The following SLC4A4 variants were observed in gnomAD, a reference collection of about 807,000 sequenced individuals.
The protein encoded by SLC4A4 is solute carrier family 4 member 4, also known as electrogenic sodium bicarbonate cotransporter 1.
A neutral mutation model predicts 111.5 loss-of-function variants in SLC4A4; 27 were observed. The ratio of observed to expected loss-of-function variants is 0.24; its 90% CI spans 0.18 to 0.33. The LOEUF (loss-of-function observed/expected upper bound fraction) is 0.33. Among genes scored for constraint, SLC4A4 ranks in the 10% least tolerant of loss-of-function variants. SLC4A4 has a pLI of 1.00. For missense variants in SLC4A4, 909 were observed against 1,315.5 expected (o/e 0.69, Z 4.78); for synonymous variants, 443 against 463.4 (o/e 0.96, Z 0.57).
chr4:71,142,459 T>C (rs1355833294), intron 2 of SLC4A4, among the ~76,000 whole-genome samples: 2 of 152,176 alleles, frequency 1.3e-5, no homozygotes, highest in African/African-American at 2.4e-5. Context: ...CTGCTCCCTG[T>C]TTTAGGAGAA....
intron 16 of SLC4A4, among the ~76,000 whole-genome samples, chr4:71,527,477 G>A (rs142314310): frequency 6.6e-6 from 1 of 152,178 alleles, no homozygotes; most frequent in African/African-American, 2.4e-5. Context: ...CAAAGAGCAG[G>A]TTTAGGGTGT....
intron 2 of SLC4A4, among the ~76,000 whole-genome samples, chr4:71,099,360 A>G (rs1037688071): frequency 2.0e-5 from 3 of 152,212 alleles, no homozygotes; most frequent in Admixed American, 1.3e-4. Context: ...TGGGTAAATA[A>G]CAAAATTGAG....
intron 1 of SLC4A4, among the ~76,000 whole-genome samples, chr4:71,225,811 A>G (rs1451171168): frequency 2.0e-5 from 3 of 152,212 alleles, no homozygotes; most frequent in African/African-American, 7.2e-5. Context: ...CTGATCTGAG[A>G]TCACTGTGAA....
intron 1 of SLC4A4, among the ~76,000 whole-genome samples, chr4:71,228,659 A>G (rs1336830342): frequency 6.6e-6 from 1 of 152,188 alleles, no homozygotes; most frequent in South Asian, 2.1e-4. Context: ...GTACCTGACC[A>G]CCATGTAGAA....
intron 14 of SLC4A4, among the ~76,000 whole-genome samples, chr4:71,473,996 T>C (rs1317262329): frequency 6.6e-6 from 1 of 150,744 alleles, no homozygotes. Flanking sequence ...AGCCCAGGAG[T>C]TTGAGACCAG....
At chr4:71,107,311 G>T (rs956641113) in intron 2 of SLC4A4, among the ~76,000 whole-genome samples, 3 of 151,596 alleles carry the variant, frequency 2.0e-5, no homozygotes, top group Admixed American at 6.6e-5. Context: ...CTTCATTTCC[G>T]GCATTACTGT....
intron 3 of SLC4A4, among the ~76,000 whole-genome samples, chr4:71,294,505 A>G (rs1724622121): frequency 6.6e-6 from 1 of 152,232 alleles, no homozygotes. Flanking sequence ...TGTTTTCTTA[A>G]TGGCAGTGGA....
At chr4:71,441,309 A>C (rs528979951) in intron 8 of SLC4A4, among the ~76,000 whole-genome samples, 1 of 152,116 alleles carries the variant, frequency 6.6e-6, no homozygotes, top group Non-Finnish European at 1.5e-5. Flanking sequence ...ATAATCACGT[A>C]CTCATTTCAC....
chr4:71,296,525 A>AT (rs975100007), intron 3 of SLC4A4, among the ~76,000 whole-genome samples: 3 of 152,054 alleles, frequency 2.0e-5, no homozygotes, highest in Non-Finnish European at 4.4e-5. Flanking sequence ...AGTTGGGTGT[A>AT]TTTTTTTGGG....
rs142074941 is a variant in SLC4A4, at chr4:71,293,620, A to G, written c.253+38221A>G. On this transcript the variant is annotated intron_variant, in intron 3 of 25. Transcript: ENST00000264485. ...TAATGCAATTAATGACACCTTAACA[A>G]CATCTTGATTAGAGAATAGTCAAGT... Among the ~76,000 whole-genome samples, 46 of 152,222 alleles carry G rather than the reference A, an allele frequency of 3.0e-4. No individual in the cohort carries two copies. The East Asian group carries it at 8.1e-3, about 27-fold the overall frequency.
intron 1 of SLC4A4, among the ~76,000 whole-genome samples, chr4:71,223,124 T>A (rs899318425): frequency 1.3e-5 from 2 of 152,154 alleles, no homozygotes. Context: ...GTTTAATATT[T>A]GTGATCCCAG....
rs1491510042 is a variant in SLC4A4 at position 71,311,888 on chromosome 4, T to TGCGAGAGA, written c.254-27481_254-27480insCGAGAGAG. Among the ~76,000 whole-genome samples the TGCGAGAGA allele has an allele frequency of 1.0e-3, 32 of 31,562 alleles. 1 individual carries two copies. The highest frequency in any genetic ancestry group is 2.0e-3 in the African/African-American group (28 of 14,014). The allele number at this position is 31,562 out of a possible 152,430, so 20.7% of individuals were successfully genotyped here. On this transcript the variant is annotated intron_variant, in intron 3 of 25. Transcript: ENST00000264485. Reference sequence around the variant, plus strand: ...AGGAGCCTGAGCAAATGTGCAAGGCTGTGAGAGAGAGAGAGAGAGAGAGAG... The same window carrying TGCGAGAGA: ...AGGAGCCTGAGCAAATGTGCAAGGCTGCGAGAGAGTGAGAGAGAGAGAGAGAGAGAGAG...
At chr4:71,494,424 C>G (rs1221151973) in intron 15 of SLC4A4, among the ~76,000 whole-genome samples, 2 of 151,932 alleles carry the variant, frequency 1.3e-5, no homozygotes, top group African/African-American at 4.8e-5. Context: ...AGTAATCCTC[C>G]TGCCTCAGTC....
chr4:71,133,891 G>A (rs1387650975), intron 2 of SLC4A4, among the ~76,000 whole-genome samples: 2 of 152,226 alleles, frequency 1.3e-5, no homozygotes, highest in East Asian at 3.9e-4. Flanking sequence ...TTGTCCTCTT[G>A]GTAGCTATCA....
chr4:71,424,690 AG>A (rs1378133750), intron 7 of SLC4A4, among the ~76,000 whole-genome samples: 1 of 152,176 alleles, frequency 6.6e-6, no homozygotes, highest in East Asian at 1.9e-4. Flanking sequence ...TATCCGTTGT[AG>A]GGACATGGAT....
chr4:71,169,708 G>T (rs1307869426), intron 2 of SLC4A4, among the ~76,000 whole-genome samples: 1 of 152,094 alleles, frequency 6.6e-6, no homozygotes, highest in Non-Finnish European at 1.5e-5. Flanking sequence ...GAAATATATT[G>T]TATCACAGGT....
chr4:71,506,485 C>A (rs145486623), intron 16 of SLC4A4, among the ~76,000 whole-genome samples: 1 of 152,006 alleles, frequency 6.6e-6, no homozygotes, highest in Non-Finnish European at 1.5e-5. Context: ...ATTTGGCTTT[C>A]GACTTTCCTG....
At chr4:71,243,952 C>T (rs895692208) in intron 2 of SLC4A4, among the ~76,000 whole-genome samples, 12 of 152,120 alleles carry the variant, frequency 7.9e-5, no homozygotes, top group African/African-American at 1.2e-4. Flanking sequence ...CAAAAACTTC[C>T]GGGAATAAAA....
intron 7 of SLC4A4, among the ~76,000 whole-genome samples, chr4:71,420,600 T>C (rs1481542503): frequency 4.6e-5 from 7 of 151,930 alleles, no homozygotes; most frequent in Non-Finnish European, 5.9e-5. Context: ...GTCGGGTTAC[T>C]CACAAAGGGA....
Sources: allele counts gnomAD v4.1 joint callset (sites outside exome capture counted in the v4.1 genomes callset), GRCh38; gene constraint gnomAD v4.1.1; transcripts MANE v1.5; gene names NCBI Gene and HGNC (gene_info 2026-07-23, HGNC 2026-07-21).